The following TCP11 variants were observed in gnomAD, a reference collection of about 807,000 sequenced individuals.
TCP11 encodes the protein t-complex 11, also known as T-complex protein 11 homolog.
In TCP11, 34 loss-of-function variants were observed where a neutral mutation model predicts 45.0. The ratio of observed to expected loss-of-function variants is 0.76; its 90% CI spans 0.57 to 1.01. The LOEUF (loss-of-function observed/expected upper bound fraction) is 1.01. TCP11 is among the 50% of genes least tolerant of loss of function. The probability of loss-of-function intolerance (pLI) is 0.00; values close to 1 mark genes in which losing one functional copy is unlikely to be tolerated. For missense variants in TCP11, 523 were observed against 598.1 expected (o/e 0.87, Z 1.31); for synonymous variants, 227 against 227.0 (o/e 1.00, Z 0.00).
intron 4 of TCP11, among the ~76,000 whole-genome samples, chr6:35,127,706 G>A (rs570259302): frequency 6.8e-4 from 104 of 152,320 alleles, no homozygotes; most frequent in South Asian, 2.9e-3. Flanking sequence ...CAGTGAAACT[G>A]GCTGAATTTG....
rs1426757046 is a variant in TCP11 at position 35,119,304 on chromosome 6, G to A, written c.1203C>T (p.Ser401=). Reference sequence around the variant, plus strand: ...CCATTAGAGATGCTGTATTATCACTGCTTAGAGCAACAAGGCCCATATTCT... The same window carrying A: ...CCATTAGAGATGCTGTATTATCACTACTTAGAGCAACAAGGCCCATATTCT... ...SLKNMGLVAL[S]SDNTASLMGQ... The change falls in exon 9 of 10, where the codon AGC becomes AGT. Residue 401 remains serine (S), a synonymous_variant. Coordinates refer to ENST00000311875, the MANE Select transcript of TCP11 (RefSeq NM_001370687.1). The A allele has an allele frequency of 6.2e-7, 1 of 1,614,150 alleles. No individual in the cohort carries two copies. The highest frequency in any genetic ancestry group is 2.2e-5 in the East Asian group (1 of 44,876).
Position 35,119,366 on chromosome 6 carries a change from TCA to T in TCP11, c.1139_1140del (p.Val380GlufsTer2), listed in dbSNP as rs1778981126. On this transcript the variant is annotated frameshift_variant, in exon 9 of 10. Coordinates refer to ENST00000311875, the MANE Select transcript of TCP11 (RefSeq NM_001370687.1). LOFTEE classifies it high-confidence loss of function. ...HSRPEEAILT[V>X]SEQVSQEIHQ... ...TGGATTTCCTGAGATACCTGTTCAC[TCA>T]CAGTCAGTATAGCTTCCTCAGGCCT... The T allele has an allele frequency of 6.2e-7, 1 of 1,614,110 alleles. No homozygotes were observed. Among genetic ancestry groups the T allele is most frequent in the African/African-American group, 1.3e-5 (1 of 74,946 alleles).
intron 8 of TCP11, 28 bp from the exon 9 acceptor site, chr6:35,119,419 A>G (rs1379405131): frequency 6.2e-7 from 1 of 1,610,174 alleles, no homozygotes; most frequent in South Asian, 1.1e-5. Context: ...GTAAGCTGGC[A>G]CCCACCAGGT....
chr6:35,127,226 C>T (rs570334372), intron 4 of TCP11, among the ~76,000 whole-genome samples: 2 of 152,238 alleles, frequency 1.3e-5, no homozygotes, highest in South Asian at 4.2e-4. Flanking sequence ...TACTGGATGC[C>T]GTACTTGCTC....
intron 4 of TCP11, among the ~76,000 whole-genome samples, chr6:35,125,310 C>T (rs1779706431): frequency 6.6e-6 from 1 of 151,542 alleles, no homozygotes; most frequent in African/African-American, 2.4e-5. Flanking sequence ...GATTTGACAC[C>T]AAAAGCATAA....
At chr6:35,140,617 G>C (rs9380493) in intron 2 of TCP11, 130 bp downstream of exon 2, 31,683 of 700,740 alleles carry the variant, frequency 0.045, 1,777 homozygotes, top group East Asian at 0.22. Context: ...AAGGCGGGTG[G>C]GGGAGAAACG....
Position 35,129,180 on chromosome 6 carries a change from A to G in TCP11, c.239T>C (p.Leu80Pro), listed in dbSNP as rs1562000718. ...CACTGTCTCCTTGACCTTGCCTTCC[A>G]GACTATAAGAGGGTTAAATGAGCAG... is the stretch of plus-strand genomic sequence containing the variant. ...MEEKVLPPSS[L>P]EGKVKETVHN... Residue 80 changes from leucine to proline, a missense_variant and splice_region_variant, in exon 4 of 10, where the codon CTG becomes CCG. This residue lies in a region of TCP11 where 225 missense variants were observed against 210.2 expected (regional missense o/e 1.07). Coordinates refer to ENST00000311875, the MANE Select transcript of TCP11 (RefSeq NM_001370687.1). 1 of 1,611,962 alleles carries G rather than the reference A, an allele frequency of 6.2e-7. No individual in the cohort carries two copies. Among genetic ancestry groups the G allele is most frequent in the Non-Finnish European group, 8.5e-7 (1 of 1,179,460 alleles).
At chr6:35,138,640 AC>A (rs1218166350) in intron 2 of TCP11, among the ~76,000 whole-genome samples, 2 of 152,202 alleles carry the variant, frequency 1.3e-5, no homozygotes, top group African/African-American at 4.8e-5. Context: ...GTTAATGGGT[AC>A]AAAAAATAGA....
rs1418303576 is a variant in TCP11, at chr6:35,122,343, C to T, written c.358-6G>A. On this transcript the variant is annotated splice_region_variant and splice_polypyrimidine_tract_variant and intron_variant, in intron 4 of 9. Coordinates refer to ENST00000311875, the MANE Select transcript of TCP11 (RefSeq NM_001370687.1). ...AATAGCAGTGATAGCAAGATCTGCC[C>T]AGGAAAGAAAGTCAAAGGAGTTGAT... 6.2e-7 allele frequency: 1 copy of T among 1,613,694 alleles called. No individual in the cohort carries two copies. Among genetic ancestry groups the T allele is most frequent in the Non-Finnish European group, 8.5e-7 (1 of 1,179,736 alleles).
chr6:35,131,516 C>T (rs773934134), intron 3 of TCP11, among the ~76,000 whole-genome samples: 2 of 151,944 alleles, frequency 1.3e-5, no homozygotes, highest in Non-Finnish European at 2.9e-5. Context: ...TGCAGTGAGC[C>T]GAGATTGTGC....
At chr6:35,124,850 C>T (rs1779645607) in intron 4 of TCP11, among the ~76,000 whole-genome samples, 1 of 151,816 alleles carries the variant, frequency 6.6e-6, no homozygotes, top group Non-Finnish European at 1.5e-5. Context: ...CAGTTGTGCA[C>T]ATGTACCCTA....
At chr6:35,134,525 C>T (rs1217640696) in intron 3 of TCP11, among the ~76,000 whole-genome samples, 5 of 152,052 alleles carry the variant, frequency 3.3e-5, no homozygotes, top group Non-Finnish European at 7.4e-5. Context: ...GTGATCCACC[C>T]GCCTTTGCCT....
At chr6:35,129,294 C>G in intron 3 of TCP11, 112 bp from the exon 4 acceptor site, 7 of 1,325,572 alleles carry the variant, frequency 5.3e-6, no homozygotes, top group Non-Finnish European at 7.1e-6. Flanking sequence ...ATTATAATAA[C>G]AGGGAAAGGC....
intron 4 of TCP11, among the ~76,000 whole-genome samples, chr6:35,125,153 C>T (rs1277080686): frequency 1.4e-5 from 2 of 141,166 alleles, no homozygotes; most frequent in African/African-American, 2.7e-5. Flanking sequence ...CACTGCACTA[C>T]AGCCTGGGTG....
intron 4 of TCP11, chr6:35,128,603 AG>A (rs71002534): frequency 0.18 from 27,485 of 153,376 alleles, 3,066 homozygotes; most frequent in African/African-American, 0.29. Context: ...CAAAGGCAAG[AG>A]CTTTTATTCC....
In TCP11 at chr6:35,122,149, T is replaced by C; in HGVS notation, c.546A>G (p.Leu182=). 2.5e-6 allele frequency: 4 copies of C among 1,614,212 alleles called. No homozygotes were observed. The highest frequency in any genetic ancestry group is 3.4e-6 in the Non-Finnish European group (4 of 1,180,032). ...APVRDEAVQK[L]ENITDPVWLL... ...GCCAAACAGGATCCGTAATGTTTTC[T>C]AGTTTCTGCACTGCTTCATCTCGAA... The change falls in exon 5 of 10, where the codon CTA becomes CTG. Residue 182 remains leucine, a synonymous_variant. Coordinates refer to ENST00000311875, the MANE Select transcript of TCP11 (RefSeq NM_001370687.1).
chr6:35,134,941 T>A (rs552542354), intron 3 of TCP11, among the ~76,000 whole-genome samples: 1 of 151,942 alleles, frequency 6.6e-6, no homozygotes, highest in East Asian at 1.9e-4. Flanking sequence ...TGAGGTTGGG[T>A]GTTCGAGACC....
In TCP11 at chr6:35,120,196, G is replaced by A. The variant is rs1017696883; in HGVS notation, c.1078C>T (p.Arg360Cys). 3.7e-6 allele frequency: 6 copies of A among 1,614,172 alleles called. No individual in the cohort carries two copies. The highest frequency in any genetic ancestry group is 2.2e-5 in the East Asian group (1 of 44,888). The change falls in exon 8 of 10, where the codon CGC becomes TGC. Residue 360 changes from arginine to cysteine, a missense_variant. By Grantham distance (180) the Arg-to-Cys change is radical. This residue lies in a region of TCP11 where 298 missense variants were observed against 387.9 expected (regional missense o/e 0.77). Coordinates refer to ENST00000311875, the MANE Select transcript of TCP11 (RefSeq NM_001370687.1). This position sits in a 1 kb window ranked among gnomAD's most constrained non-coding sequence, Gnocchi z 4.9. ...GSPQFVDKLK[R>C]ITKSLLEDFH... Reference sequence around the variant, plus strand: ...TCTTCCAACAAGGATTTGGTTATGCGTTTCAGTTTATCTACAAATTGGGGT... The same window carrying A: ...TCTTCCAACAAGGATTTGGTTATGCATTTCAGTTTATCTACAAATTGGGGT...
In TCP11 at chr6:35,141,265, C is replaced by A. The variant is rs1270257022; in HGVS notation, c.-75G>T. The A allele has an allele frequency of 4.1e-6, 3 of 723,560 alleles. No homozygotes were observed. The highest frequency in any genetic ancestry group is 3.8e-5 in the South Asian group (1 of 26,300). The allele number at this position is 723,560 out of a possible 1,614,324, so 44.8% of individuals were successfully genotyped here. On this transcript the variant is annotated 5_prime_UTR_variant, in exon 1 of 10. Coordinates refer to ENST00000311875, the MANE Select transcript of TCP11 (RefSeq NM_001370687.1). ...CCGCTCGGTGGGCCTCGCGGCCTGG[C>A]GGCCTGGAGCGTACCACCGCGGCGG...
Sources: gnomAD v4.1 joint callset for allele counts (sites outside exome capture counted in the v4.1 genomes callset) on GRCh38, gnomAD v4.1.1 for gene constraint, gnomAD v4.1.1 regional missense constraint, Gnocchi (gnomAD v3.1) non-coding constraint, MANE v1.5 for transcripts, NCBI Gene and HGNC (gene_info 2026-07-23, HGNC 2026-07-21) for gene names.